Variants in TSC22D2 observed in about 807,000 individuals in gnomAD.
The protein encoded by TSC22D2 is TSC22 domain family member 2.
TSC22D2 carries 5 observed loss-of-function variants against 50.1 expected under a neutral mutation model. That is an observed-to-expected ratio of 0.10 (90% confidence interval 0.05 to 0.21). TSC22D2 has a LOEUF of 0.21. TSC22D2 is among the 10% of genes least tolerant of loss of function. The probability of loss-of-function intolerance (pLI) is 1.00; values close to 1 mark genes in which losing one functional copy is unlikely to be tolerated. For synonymous variants in TSC22D2, 501 were observed against 450.1 expected, an observed-to-expected ratio of 1.11 and a Z score of -1.43; for missense variants, 1,003 against 1,015.5, an observed-to-expected ratio of 0.99 and a Z score of 0.17.
intron 1 of TSC22D2, among the ~76,000 whole-genome samples, chr3:150,431,406 A>T (rs1349252910): frequency 4.6e-5 from 7 of 152,024 alleles, no homozygotes; most frequent in Admixed American, 1.3e-4. Context: ...GCATATTCAG[A>T]TTTTGTCAGT....
intron 1 of TSC22D2, among the ~76,000 whole-genome samples, chr3:150,452,445 CAA>C (rs111675293): frequency 2.1e-5 from 3 of 140,710 alleles, no homozygotes; most frequent in Admixed American, 1.4e-4. Context: ...AACTCTGTCT[CAA>C]AAAAAAAAAA....
chr3:150,436,044 A>T (rs1720528829), intron 1 of TSC22D2, among the ~76,000 whole-genome samples: 1 of 152,140 alleles, frequency 6.6e-6, no homozygotes, highest in Non-Finnish European at 1.5e-5. Context: ...TCAGGTTGTT[A>T]ATAAGGATGT....
intron 1 of TSC22D2, among the ~76,000 whole-genome samples, chr3:150,428,260 C>G (rs73007763): frequency 0.024 from 3,716 of 152,170 alleles, 158 homozygotes; most frequent in African/African-American, 0.084. Flanking sequence ...TCACAGGACT[C>G]TTTCGTATCA....
rs1719463759 is a variant in TSC22D2 at position 150,410,115 on chromosome 3, G to A, written c.765G>A (p.Ser255=). 9 of 1,612,548 alleles carry A rather than the reference G, an allele frequency of 5.6e-6. No individual in the cohort carries two copies. Among genetic ancestry groups the A allele is most frequent in the Non-Finnish European group, 7.6e-6 (9 of 1,179,918 alleles). The change falls in exon 1 of 3, where the codon TCG becomes TCA. Residue 255 remains serine, a synonymous_variant. Transcript: ENST00000688009. The stretch of plus-strand genomic sequence containing the variant: ...CTGCTGTGTCACAGCTACCCCCGTC[G>A]GAGAAAATGAGCCAGCCCACTCCGG... The part of the protein sequence containing the change: ...SLTAVSQLPP[S]EKMSQPTPAQ...
At chr3:150,440,877 A>G (rs1720692151) in intron 1 of TSC22D2, among the ~76,000 whole-genome samples, 1 of 151,968 alleles carries the variant, frequency 6.6e-6, no homozygotes. Context: ...TGAATCTGCA[A>G]TAATAGTACT....
chr3:150,410,768 C>T lies in TSC22D2; in HGVS notation c.1418C>T (p.Ala473Val), dbSNP rs1290909255. Residue 473 changes from alanine to valine, a missense_variant, in exon 1 of 3, where the codon GCC becomes GTC. Physicochemically the swap from Ala to Val is moderately conservative, Grantham distance 64. Transcript: ENST00000688009. ...GTGGTGCAGCCGTGCCTCGGTCCTG[C>T]CGGGGCTGGGCAGCCCCAGTCCGTG... ...GGVVQPCLGP[A>V]GAGQPQSVPP... The T allele has an allele frequency of 6.2e-7, 1 of 1,610,602 alleles. No homozygotes were observed. Among genetic ancestry groups the T allele is most frequent in the Non-Finnish European group, 8.5e-7 (1 of 1,178,826 alleles).
chr3:150,428,455 T>G (rs989441039), intron 1 of TSC22D2, among the ~76,000 whole-genome samples: 1 of 152,042 alleles, frequency 6.6e-6, no homozygotes, highest in Non-Finnish European at 1.5e-5. Flanking sequence ...TATGTTCAGA[T>G]GACATTAAAT....
chr3:150,432,376 G>T (rs967355149), intron 1 of TSC22D2, among the ~76,000 whole-genome samples: 2 of 151,878 alleles, frequency 1.3e-5, no homozygotes, highest in East Asian at 3.8e-4. Context: ...TTTTGAAAAA[G>T]GTGGGAATAG....
intron 1 of TSC22D2, among the ~76,000 whole-genome samples, chr3:150,450,809 TTCTTAA>T (rs1196822138): frequency 4.6e-5 from 7 of 152,182 alleles, no homozygotes; most frequent in Admixed American, 2.0e-4. Context: ...GACTCGCATT[TTCTTAA>T]TTTTCTTTCT....
chr3:150,421,664 C>T lies in TSC22D2; in HGVS notation c.1958+10356C>T, dbSNP rs1720014397. On this transcript the variant is annotated intron_variant, in intron 1 of 2. Transcript: ENST00000688009. Reference sequence around the variant, plus strand: ...TAATCAAACAGTTACTTTGGTGATTCTCTGGCATCTTGGAAGTCTTTTTTT... The same window carrying T: ...TAATCAAACAGTTACTTTGGTGATTTTCTGGCATCTTGGAAGTCTTTTTTT... 2.6e-5 allele frequency among the ~76,000 whole-genome samples: 4 copies of T among 152,032 alleles called. No homozygotes were observed. The South Asian group carries it at 8.3e-4, about 31-fold the overall frequency.
chr3:150,436,207 A>G (rs556405199), intron 1 of TSC22D2, among the ~76,000 whole-genome samples: 2 of 152,280 alleles, frequency 1.3e-5, no homozygotes, highest in Admixed American at 1.3e-4. Context: ...ATTTAACCAT[A>G]TATTTGTGTA....
intron 1 of TSC22D2, among the ~76,000 whole-genome samples, chr3:150,418,791 T>G (rs370696561): frequency 6.6e-6 from 1 of 152,040 alleles, no homozygotes; most frequent in East Asian, 1.9e-4. Flanking sequence ...CTGGAAGCTT[T>G]TATTGTTAAA....
rs752955872 is a variant in TSC22D2 at position 150,409,097 on chromosome 3, A to G, written c.-254A>G. 7 of 386,894 alleles carry G rather than the reference A, an allele frequency of 1.8e-5. No individual in the cohort carries two copies. Among genetic ancestry groups the G allele is most frequent in the Non-Finnish European group, 2.8e-5 (6 of 214,436 alleles). The allele number at this position is 386,894 out of a possible 1,614,324, so 24.0% of individuals were successfully genotyped here. On this transcript the variant is annotated 5_prime_UTR_variant, in exon 1 of 3. Coordinates refer to ENST00000688009, the MANE Select transcript of TSC22D2 (RefSeq NM_001303264.2). The surrounding 1 kb of genome is among the most constrained non-coding windows in gnomAD (Gnocchi z 7.4). ...GAGGCGCCGCGGCTGCGAGAGCTAA[A>G]AAGGAAGGAGGAGCCGCCGCGGGAC...
intron 1 of TSC22D2, among the ~76,000 whole-genome samples, chr3:150,421,487 A>G (rs2108069093): frequency 6.6e-6 from 1 of 152,338 alleles, no homozygotes; most frequent in East Asian, 1.9e-4. Context: ...AGTAGGTAGA[A>G]GCCTCTTAAG....
intron 1 of TSC22D2, among the ~76,000 whole-genome samples, chr3:150,437,587 G>A (rs185852719): frequency 4.6e-5 from 7 of 151,902 alleles, no homozygotes; most frequent in East Asian, 1.9e-4. Context: ...CAGATCACGA[G>A]GTCAGAGATC....
chr3:150,438,137 C>A, intron 1 of TSC22D2: 1 of 315,142 alleles, frequency 3.2e-6, no homozygotes, highest in Non-Finnish European at 7.0e-6. Flanking sequence ...TAAAATTTTG[C>A]TATAAAAGAT....
At position 150,408,741 on chromosome 3, in the gene TSC22D2, C is replaced by A. The variant is rs6772043; in HGVS notation, c.-610C>A. 1 of 153,406 alleles carries A rather than the reference C, an allele frequency of 6.5e-6. No individual in the cohort carries two copies. The highest frequency in any genetic ancestry group is 2.4e-5 in the African/African-American group (1 of 41,404). 9.5% of individuals were successfully genotyped at this position (153,406 alleles called of 1,614,324 possible). On this transcript the variant is annotated 5_prime_UTR_variant, in exon 1 of 3. Transcript: ENST00000688009. Reference sequence around the variant, plus strand: ...CCTGCCCGCGCCACAGCCCCACCGCCCGCCCGCGGACCTTCAGCCAGCTCC... The same window carrying A: ...CCTGCCCGCGCCACAGCCCCACCGCACGCCCGCGGACCTTCAGCCAGCTCC...
chr3:150,422,135 C>G (rs897896306), intron 1 of TSC22D2, among the ~76,000 whole-genome samples: 2 of 152,222 alleles, frequency 1.3e-5, no homozygotes, highest in African/African-American at 4.8e-5. Flanking sequence ...TAAACACATT[C>G]TTAACTGCTG....
At position 150,460,839 on chromosome 3, in the gene TSC22D2, ACACTT is replaced by A. The variant is rs1457716400; in HGVS notation, c.*2206_*2210del. The A allele has an allele frequency of 6.6e-6, 1 of 150,928 alleles. No individual in the cohort carries two copies. Among genetic ancestry groups the A allele is most frequent in the Non-Finnish European group, 1.5e-5 (1 of 67,782 alleles). 9.3% of individuals were successfully genotyped at this position (150,928 alleles called of 1,614,324 possible). ...CCATTTTGATTCTGGGGCTGGAAAAACACTTCATAAACAAAGTAATAGTCTCCAAG... is the reference window on the plus strand; with the variant it reads ...CCATTTTGATTCTGGGGCTGGAAAAACATAAACAAAGTAATAGTCTCCAAG... On this transcript the variant is annotated 3_prime_UTR_variant, in exon 3 of 3. Transcript: ENST00000688009.
Sources: allele counts gnomAD v4.1 joint callset (sites outside exome capture counted in the v4.1 genomes callset), GRCh38; gene constraint gnomAD v4.1.1; non-coding constraint Gnocchi (gnomAD v3.1); transcripts MANE v1.5; gene names NCBI Gene and HGNC (gene_info 2026-07-23, HGNC 2026-07-21).